The following TJAP1 variants were observed in gnomAD, a reference collection of about 807,000 sequenced individuals.
The protein encoded by TJAP1 is tight junction associated protein 1.
In TJAP1, 27 loss-of-function variants were observed where a neutral mutation model predicts 42.0. The observed-to-expected ratio is 0.64, with a 90% confidence interval of 0.47 to 0.89. The LOEUF (loss-of-function observed/expected upper bound fraction) is 0.89, where lower values mean the gene tolerates loss of function less well. Ranked by LOEUF, TJAP1 falls within the 40% of genes least tolerant of loss-of-function variation. TJAP1 has a pLI of 0.00. For missense variants in TJAP1, 712 were observed against 726.9 expected (o/e 0.98, Z 0.24); for synonymous variants, 257 against 288.4 (o/e 0.89, Z 1.10).
intron 2 of TJAP1, among the ~76,000 whole-genome samples, chr6:43,486,851 A>G (rs1786652961): frequency 6.6e-6 from 1 of 152,354 alleles, no homozygotes; most frequent in Non-Finnish European, 1.5e-5. Flanking sequence ...TAATGCCCAG[A>G]TAAATCAAAA....
intron 2 of TJAP1, among the ~76,000 whole-genome samples, chr6:43,496,413 G>A (rs1789161018): frequency 6.6e-6 from 1 of 152,172 alleles, no homozygotes. Context: ...GGAATGTGCC[G>A]TCCTTTCAGG....
Position 43,500,674 on chromosome 6 carries a change from A to G in TJAP1, c.100-70A>G, listed in dbSNP as rs112695642. The G allele has an allele frequency of 1.0e-5, 16 of 1,581,362 alleles. 1 individual carries two copies. Among genetic ancestry groups the G allele is most frequent in the Admixed American group, 3.3e-5 (2 of 59,912 alleles). ...TTCACACCTGAGCCTTCTTGTGGCT[A>G]TTTGGAGGGTGAGCCAGCCGGGGGT... is the stretch of plus-strand genomic sequence containing the variant. On this transcript the variant is annotated intron_variant, in intron 4 of 10. Transcript: ENST00000372449.
chr6:43,502,497 A>G, intron 7 of TJAP1, 91 bp from the exon 8 acceptor site: 1 of 1,521,262 alleles, frequency 6.6e-7, no homozygotes, highest in Non-Finnish European at 8.9e-7. Context: ...TGTGCTCTGC[A>G]AGTCAAGACT....
chr6:43,480,149 A>G (rs1785005315), intron 2 of TJAP1, among the ~76,000 whole-genome samples: 1 of 152,246 alleles, frequency 6.6e-6, no homozygotes, highest in Non-Finnish European at 1.5e-5. Flanking sequence ...ATACATTAAT[A>G]TGCTTACTCA....
At chr6:43,479,325 GT>G (rs1218258889) in intron 2 of TJAP1, among the ~76,000 whole-genome samples, 1 of 152,180 alleles carries the variant, frequency 6.6e-6, no homozygotes, top group Non-Finnish European at 1.5e-5. Flanking sequence ...CCAAGTCACT[GT>G]TACTAGGTCA....
At position 43,491,865 on chromosome 6, in the gene TJAP1, G is replaced by C. The variant is rs781320048; in HGVS notation, c.-121-6016G>C. 6.6e-5 allele frequency among the ~76,000 whole-genome samples: 10 copies of C among 152,190 alleles called. No individual in the cohort carries two copies. Among genetic ancestry groups the C allele is most frequent in the Non-Finnish European group, 4.4e-5 (3 of 68,034 alleles). On this transcript the variant is annotated intron_variant, in intron 2 of 10. Coordinates refer to ENST00000372449, the Ensembl canonical transcript of TJAP1. The surrounding 1 kb of genome is among the most constrained non-coding windows in gnomAD (Gnocchi z 4.6). Reference sequence around the variant, plus strand: ...ATTCATGGGGACTAGCAGTAATGCAGAGATGTTTAGGGACCCCAAATGGGG... The same window carrying C: ...ATTCATGGGGACTAGCAGTAATGCACAGATGTTTAGGGACCCCAAATGGGG...
chr6:43,487,870 G>GTTTTTTT lies in TJAP1; in HGVS notation c.-122+9648_-122+9654dup, dbSNP rs549444658. ...CCATTTATCTTGTACCCTTCTAGTAGTTTTTTTTTTTTTTTTGAGATGGAG... is the reference window on the plus strand; with the variant it reads ...CCATTTATCTTGTACCCTTCTAGTAGTTTTTTTTTTTTTTTTTTTTTTTGAGATGGAG... On this transcript the variant is annotated intron_variant, in intron 2 of 10. Transcript: ENST00000372449. Among the ~76,000 whole-genome samples the GTTTTTTT allele has an allele frequency of 8.1e-4, 112 of 138,362 alleles. 2 individuals are homozygous for GTTTTTTT. Among genetic ancestry groups the GTTTTTTT allele is most frequent in the African/African-American group, 2.6e-3 (97 of 36,716 alleles). The allele number at this position is 138,362 out of a possible 152,430, so 90.8% of individuals were successfully genotyped here.
intron 6 of TJAP1, among the ~76,000 whole-genome samples, chr6:43,501,915 ACACACACACACACTCTCTCTCTCTCT>A (rs1582094915): frequency 7.8e-6 from 1 of 128,588 alleles, no homozygotes; most frequent in East Asian, 2.5e-4. Context: ...ACACACACAC[ACACACACACACACTCTCTCTCTCTCT>A]CTCTCTCTCT....
At chr6:43,503,419 G>T (rs1791429591) in exon 9 of TJAP1, 1 of 1,613,870 alleles carries the variant, frequency 6.2e-7, no homozygotes, top group Non-Finnish European at 8.5e-7. Flanking sequence ...GGCTGAGATG[G>T]ATAGGAAGAC....
At chr6:43,496,162 C>T (rs1789085414) in intron 2 of TJAP1, among the ~76,000 whole-genome samples, 1 of 152,126 alleles carries the variant, frequency 6.6e-6, no homozygotes, top group African/African-American at 2.4e-5. Flanking sequence ...TGAGCTGCCC[C>T]TTTACTTTGT....
chr6:43,502,710 C>T, intron 8 of TJAP1, 93 bp downstream of exon 8: 2 of 1,343,048 alleles, frequency 1.5e-6, no homozygotes, highest in Non-Finnish European at 2.1e-6. Flanking sequence ...CCCTGTGCCC[C>T]TTGAGTACAC....
In TJAP1 at chr6:43,492,112, G is replaced by A. The variant is rs149312258; in HGVS notation, c.-121-5769G>A. On this transcript the variant is annotated intron_variant, in intron 2 of 10. Transcript: ENST00000372449. This position sits in a 1 kb window ranked among gnomAD's most constrained non-coding sequence, Gnocchi z 4.2. ...CTCTTTAGCCCCTTGTTCCTGTGAAGTGTTTGTCTGGATGTGAGGCCAGGT... is the reference window on the plus strand; with the variant it reads ...CTCTTTAGCCCCTTGTTCCTGTGAAATGTTTGTCTGGATGTGAGGCCAGGT... Among the ~76,000 whole-genome samples the A allele has an allele frequency of 3.5e-3, 533 of 152,326 alleles. 3 individuals are homozygous for A. The highest frequency in any genetic ancestry group is 5.7e-3 in the Non-Finnish European group (391 of 68,024).
At chr6:43,504,842 C>T in exon 11 of TJAP1, 1 of 1,614,242 alleles carries the variant, frequency 6.2e-7, no homozygotes, top group Non-Finnish European at 8.5e-7. Flanking sequence ...TGCTCCCAGC[C>T]TAGCCCCAGG....
chr6:43,499,248 G>T, intron 4 of TJAP1, 148 bp downstream of exon 4: 1 of 1,219,298 alleles, frequency 8.2e-7, no homozygotes, highest in South Asian at 1.4e-5. Flanking sequence ...CCTAGCCGCA[G>T]TAGTGCAGGT....
chr6:43,482,249 A>G (rs1398540376), intron 2 of TJAP1, among the ~76,000 whole-genome samples: 1 of 152,164 alleles, frequency 6.6e-6, no homozygotes, highest in African/African-American at 2.4e-5. Context: ...GTGAAGGATG[A>G]TGGATTTTGA....
intron 6 of TJAP1, among the ~76,000 whole-genome samples, chr6:43,501,946 C>G (rs1361906416): frequency 6.7e-6 from 1 of 149,458 alleles, no homozygotes; most frequent in Non-Finnish European, 1.5e-5. Flanking sequence ...CTCTCTCTCT[C>G]TCTCTCTCTC....
intron 1 of TJAP1, among the ~76,000 whole-genome samples, 199 bp from the exon 2 acceptor site, chr6:43,477,886 CAG>C (rs1197051809): frequency 2.0e-5 from 3 of 152,096 alleles, no homozygotes; most frequent in Non-Finnish European, 2.9e-5. Flanking sequence ...CCTGGAGAAG[CAG>C]AGTCACAAGT....
chr6:43,493,675 G>A (rs898072789), intron 2 of TJAP1, among the ~76,000 whole-genome samples: 5 of 152,196 alleles, frequency 3.3e-5, no homozygotes, highest in African/African-American at 7.2e-5. Flanking sequence ...GATGGCAGAA[G>A]GGAAGTGGGA....
At position 43,491,372 on chromosome 6, in the gene TJAP1, C is replaced by T. The variant is rs1250098706; in HGVS notation, c.-121-6509C>T. Among the ~76,000 whole-genome samples the T allele has an allele frequency of 1.3e-5, 2 of 152,088 alleles. No individual in the cohort carries two copies. Among genetic ancestry groups the T allele is most frequent in the Non-Finnish European group, 2.9e-5 (2 of 68,012 alleles). On this transcript the variant is annotated intron_variant, in intron 2 of 10. Coordinates refer to ENST00000372449, the Ensembl canonical transcript of TJAP1. This position sits in a 1 kb window ranked among gnomAD's most constrained non-coding sequence, Gnocchi z 4.6. Reference sequence around the variant, plus strand: ...ATGGCACGATCTCGGCTTTCTGCAACCTCCGCCTCCCAGGTTTAAGCGATT... The same window carrying T: ...ATGGCACGATCTCGGCTTTCTGCAATCTCCGCCTCCCAGGTTTAAGCGATT...
Sources: gnomAD v4.1 joint callset for allele counts (sites outside exome capture counted in the v4.1 genomes callset) on GRCh38, gnomAD v4.1.1 for gene constraint, Gnocchi (gnomAD v3.1) non-coding constraint, MANE v1.5 for transcripts, NCBI Gene and HGNC (gene_info 2026-07-23, HGNC 2026-07-21) for gene names.